The following DIAPH3 variants were observed in gnomAD, a reference collection of about 807,000 sequenced individuals.
DIAPH3 encodes diaphanous related formin 3, also known as protein diaphanous homolog 3.
A neutral mutation model predicts 144.3 loss-of-function variants in DIAPH3; 117 were observed. The observed-to-expected ratio is 0.81, with a 90% CI of 0.70 to 0.95. DIAPH3 has a LOEUF of 0.95. Among genes scored for constraint, DIAPH3 ranks in the 40% least tolerant of loss-of-function variants. The pLI is 0.00. For missense variants in DIAPH3, 1,421 were observed against 1,412.7 expected, an observed-to-expected ratio of 1.01 and a Z score of -0.09; for synonymous variants, 519 against 488.9, an observed-to-expected ratio of 1.06 and a Z score of -0.81.
chr13:59,671,047 A>G (rs973289421), intron 27 of DIAPH3, among the ~76,000 whole-genome samples: 3 of 152,226 alleles, frequency 2.0e-5, no homozygotes, highest in African/African-American at 7.2e-5. Context: ...TGTCAAGGCC[A>G]GGTGTCTTTT....
rs1233977508 is a variant in DIAPH3, at chr13:60,052,830, ATC to A, written c.496-10012_496-10011del. Among the ~76,000 whole-genome samples the A allele has an allele frequency of 4.0e-5, 6 of 151,494 alleles. No individual in the cohort carries two copies. In the East Asian group the frequency reaches 1.2e-3, roughly 29 times the overall value. On this transcript the variant is annotated intron_variant, in intron 4 of 27. Transcript: ENST00000400324. The stretch of plus-strand genomic sequence containing the variant: ...ACAAAAATTAGCCAGGTTTGGTAGG[ATC>A]CATCTGTAGTCCCAGCTACTTGGGA...
At chr13:59,988,705 T>A (rs2051599226) in intron 12 of DIAPH3, among the ~76,000 whole-genome samples, 1 of 151,944 alleles carries the variant, frequency 6.6e-6, no homozygotes, top group African/African-American at 2.4e-5. Flanking sequence ...GACAAAATGC[T>A]ATTTTTGTTG....
At chr13:60,153,531 C>T (rs1225545322) in intron 1 of DIAPH3, 1 of 152,088 alleles carries the variant, frequency 6.6e-6, no homozygotes, top group East Asian at 1.9e-4. Context: ...TCTTCCTCAG[C>T]CTCTGGGATT....
chr13:60,042,715 C>G lies in DIAPH3; in HGVS notation c.601G>C (p.Val201Leu), dbSNP rs757647666. 7 of 1,613,702 alleles carry G rather than the reference C, an allele frequency of 4.3e-6. No individual in the cohort carries two copies. In the Admixed American group the frequency reaches 1.2e-4, roughly 27 times the overall value. ...CTCACAGGATTGCTGGTCAAAGACA[C>G]TCGGAGAGACTCCAGGCATGTGACA... ...RLVTCLESLRVSLTSNPVSWV... is the reference protein window; with the variant it reads ...RLVTCLESLRLSLTSNPVSWV... The change falls in exon 5 of 28, where the codon GTG (valine) becomes CTG (leucine). Residue 201 changes from valine to leucine, a missense_variant. Val to Leu is a conservative substitution (Grantham distance 32). Coordinates refer to ENST00000400324, the MANE Select transcript of DIAPH3 (RefSeq NM_001042517.2).
At chr13:59,879,520 G>C (rs779268549) in intron 20 of DIAPH3, 52 bp from the exon 21 acceptor site, 1 of 1,609,150 alleles carries the variant, frequency 6.2e-7, no homozygotes. Context: ...GTATAGTTTA[G>C]TACTGTACGA....
At chr13:59,989,135 T>C (rs529451529) in intron 12 of DIAPH3, among the ~76,000 whole-genome samples, 1 of 151,894 alleles carries the variant, frequency 6.6e-6, no homozygotes, top group East Asian at 1.9e-4. Context: ...AAACAAAAAA[T>C]GTTACAGGTT....
chr13:59,727,753 A>G (rs2035677680), intron 27 of DIAPH3, among the ~76,000 whole-genome samples: 1 of 152,160 alleles, frequency 6.6e-6, no homozygotes, highest in South Asian at 2.1e-4. Context: ...TGAACTTGAA[A>G]AGGGAATTTC....
At chr13:59,888,907 G>A (rs2045617547) in intron 20 of DIAPH3, among the ~76,000 whole-genome samples, 1 of 151,776 alleles carries the variant, frequency 6.6e-6, no homozygotes, top group African/African-American at 2.4e-5. Context: ...TGAGCTTCTT[G>A]CATTTTAAAC....
chr13:59,670,903 G>A (rs1032486302), intron 27 of DIAPH3, among the ~76,000 whole-genome samples: 1 of 152,100 alleles, frequency 6.6e-6, no homozygotes, highest in Non-Finnish European at 1.5e-5. Context: ...CTTTTTTAAA[G>A]CCTGGCAACA....
At chr13:59,956,152 G>A (rs2140468170) in intron 17 of DIAPH3, among the ~76,000 whole-genome samples, 1 of 152,298 alleles carries the variant, frequency 6.6e-6, no homozygotes, top group Middle Eastern at 3.4e-3. Flanking sequence ...ATTTTCTGAG[G>A]AGAAATTCAA....
At chr13:60,098,846 A>C (rs1323494974) in intron 3 of DIAPH3, among the ~76,000 whole-genome samples, 1 of 152,164 alleles carries the variant, frequency 6.6e-6, no homozygotes, top group Non-Finnish European at 1.5e-5. Context: ...TATCTCATTA[A>C]ATATCTATTA....
At chr13:60,065,092 A>G (rs1347748992) in intron 4 of DIAPH3, among the ~76,000 whole-genome samples, 2 of 152,176 alleles carry the variant, frequency 1.3e-5, no homozygotes, top group African/African-American at 4.8e-5. Flanking sequence ...ATCACAGATC[A>G]GCATAACAGA....
rs759771523 is a variant in DIAPH3, at chr13:60,008,653, T to C, written c.909-4A>G. 52 of 1,592,248 alleles carry C rather than the reference T, an allele frequency of 3.3e-5. No individual in the cohort carries two copies. Among genetic ancestry groups the C allele is most frequent in the Non-Finnish European group, 4.2e-5 (49 of 1,160,466 alleles). ...AGCTTCTAAAACTTCTTCAAGGCTA[T>C]TGGAAAATTTGAGTCAATTAAATTG... On this transcript the variant is annotated splice_region_variant and splice_polypyrimidine_tract_variant and intron_variant, in intron 8 of 27. Coordinates refer to ENST00000400324, the MANE Select transcript of DIAPH3 (RefSeq NM_001042517.2).
intron 3 of DIAPH3, among the ~76,000 whole-genome samples, chr13:60,109,275 T>C (rs2058502455): frequency 1.3e-5 from 2 of 152,136 alleles, no homozygotes; most frequent in Admixed American, 1.3e-4. Context: ...CCGACCAGGA[T>C]TTCTCACTTA....
chr13:59,933,156 C>A (rs1181848992), intron 17 of DIAPH3, among the ~76,000 whole-genome samples: 3 of 152,196 alleles, frequency 2.0e-5, no homozygotes, highest in African/African-American at 7.2e-5. Context: ...GCTGGCAATA[C>A]CTCTGGTAAA....
At chr13:59,702,816 C>G (rs2034184833) in intron 27 of DIAPH3, among the ~76,000 whole-genome samples, 1 of 152,136 alleles carries the variant, frequency 6.6e-6, no homozygotes, top group Admixed American at 6.5e-5. Flanking sequence ...CTACAATATA[C>G]CTACCTTCTT....
At chr13:60,070,588 A>T (rs1361745176) in intron 4 of DIAPH3, among the ~76,000 whole-genome samples, 1 of 152,116 alleles carries the variant, frequency 6.6e-6, no homozygotes, top group African/African-American at 2.4e-5. Context: ...CTGGCATCGG[A>T]CTTCATTCTG....
intron 22 of DIAPH3, among the ~76,000 whole-genome samples, chr13:59,857,968 G>T (rs1460831034): frequency 6.6e-6 from 1 of 152,140 alleles, no homozygotes; most frequent in Non-Finnish European, 1.5e-5. Flanking sequence ...ACAAAATTTG[G>T]AAGGAGAGGT....
In DIAPH3 at chr13:59,833,265, C is replaced by A. The variant is rs1429041361; in HGVS notation, c.2869G>T (p.Val957Phe). The A allele has an allele frequency of 6.2e-7, 1 of 1,606,516 alleles. No individual in the cohort carries two copies. The highest frequency in any genetic ancestry group is 8.5e-7 in the Non-Finnish European group (1 of 1,175,330). ...TCATATTGTTCTTTTGCACTGATAA[C>A]AAATCTGTATACTATAGTTAAGGTA... is the stretch of plus-strand genomic sequence containing the variant. The part of the protein sequence containing the change: ...DKFVTKMSRF[V>F]ISAKEQYETL... The change falls in exon 24 of 28, where the codon GTT (valine) becomes TTT (phenylalanine). Residue 957 changes from valine (V) to phenylalanine (F), a missense_variant. Coordinates refer to ENST00000400324, the MANE Select transcript of DIAPH3 (RefSeq NM_001042517.2).
Sources: allele counts gnomAD v4.1 joint callset (sites outside exome capture counted in the v4.1 genomes callset), GRCh38; gene constraint gnomAD v4.1.1; transcripts MANE v1.5; gene names NCBI Gene and HGNC (gene_info 2026-07-23, HGNC 2026-07-21).